Variants in ALMS1 observed in about 807,000 individuals in gnomAD.
ALMS1 encodes the protein centrosome-associated protein ALMS1.
Under a neutral mutation model 352.2 loss-of-function variants are expected in ALMS1, and 271 were observed. That is an observed-to-expected ratio of 0.77 (90% confidence interval 0.70 to 0.85). The LOEUF (loss-of-function observed/expected upper bound fraction) is 0.85. ALMS1 is among the 40% of genes least tolerant of loss of function. ALMS1 has a pLI of 0.00. For synonymous variants in ALMS1, 1,865 were observed against 1,761.2 expected (o/e 1.06, Z -1.48); for missense variants, 5,445 against 4,870.7 (o/e 1.12, Z -3.51).
intron 9 of ALMS1, among the ~76,000 whole-genome samples, chr2:73,487,553 C>T (rs1269407478): frequency 1.3e-5 from 2 of 152,192 alleles, no homozygotes; most frequent in South Asian, 2.1e-4. Flanking sequence ...TCCCGAAAGG[C>T]CACAGCTTGT....
intron 16 of ALMS1, among the ~76,000 whole-genome samples, chr2:73,583,118 A>G (rs1462273512): frequency 6.7e-6 from 1 of 150,220 alleles, no homozygotes; most frequent in Non-Finnish European, 1.5e-5. Context: ...ATGCTTAGTG[A>G]TACTGAGCAT....
chr2:73,407,794 G>A (rs1176565431), intron 1 of ALMS1, among the ~76,000 whole-genome samples: 2 of 152,160 alleles, frequency 1.3e-5, no homozygotes, highest in East Asian at 1.9e-4. Flanking sequence ...CTGACCTCAG[G>A]TAATCCTCCT....
At chr2:73,599,634 C>G in intron 17 of ALMS1, 113 bp downstream of exon 17, 1 of 1,291,358 alleles carries the variant, frequency 7.7e-7, no homozygotes, top group Non-Finnish European at 1.1e-6. Context: ...CTATATCCAA[C>G]TGCCAATTTT....
intron 9 of ALMS1, among the ~76,000 whole-genome samples, chr2:73,460,947 G>C (rs562763325): frequency 6.6e-6 from 1 of 152,194 alleles, no homozygotes; most frequent in Non-Finnish European, 1.5e-5. Context: ...CTGGAAGCTC[G>C]AACTGGGTGG....
rs1490899625 is a variant in ALMS1 at position 73,491,444 on chromosome 2, T to C, written c.9485T>C (p.Ile3162Thr). 3.1e-6 allele frequency: 5 copies of C among 1,614,034 alleles called. 1 individual carries two copies. The South Asian group carries it at 3.3e-5, about 11-fold the overall frequency. ...ACCTCCAGGCAAATACAAGTGAACA[T>C]TTCAGATTTCGAAGGACATTCCAAT... ...IVTSRQIQVN[I>T]SDFEGHSNPE... Residue 3162 changes from isoleucine to threonine, a missense_variant, in exon 10 of 23, where the codon ATT (isoleucine) becomes ACT (threonine). Physicochemically the swap from Ile to Thr is moderately conservative, Grantham distance 89. Coordinates refer to ENST00000613296, the MANE Select transcript of ALMS1 (RefSeq NM_001378454.1).
rs377130177 is a variant in ALMS1 at position 73,599,479 on chromosome 2, A to G, written c.11626A>G (p.Asn3876Asp). Residue 3876 changes from asparagine (N) to aspartate (D), a missense_variant, in exon 17 of 23, where the codon AAC becomes GAC. Asn to Asp is a conservative substitution (Grantham distance 23). Coordinates refer to ENST00000613296, the MANE Select transcript of ALMS1 (RefSeq NM_001378454.1). ...CCTGAGCTCAAACTCTACTTTTTGCAACAAGCAGAATGTACACATGTTAAA... is the reference window on the plus strand; with the variant it reads ...CCTGAGCTCAAACTCTACTTTTTGCGACAAGCAGAATGTACACATGTTAAA... ...SFLSSNSTFC[N>D]KQNVHMLNKG... The G allele has an allele frequency of 3.6e-5, 58 of 1,613,686 alleles. No homozygotes were observed. The African/African-American group carries it at 6.5e-4, about 18-fold the overall frequency.
At chr2:73,522,556 A>G (rs1207985148) in intron 11 of ALMS1, among the ~76,000 whole-genome samples, 2 of 143,440 alleles carry the variant, frequency 1.4e-5, no homozygotes, top group African/African-American at 5.3e-5. Context: ...TGCAACCTGC[A>G]TCTTCCGGGT....
intron 10 of ALMS1, among the ~76,000 whole-genome samples, chr2:73,493,628 A>C (rs1413613291): frequency 6.6e-6 from 1 of 152,000 alleles, no homozygotes; most frequent in Non-Finnish European, 1.5e-5. Flanking sequence ...AGGCTAAGGC[A>C]GGAGAATCGC....
chr2:73,478,503 A>T (rs943697328), intron 9 of ALMS1, among the ~76,000 whole-genome samples: 7 of 152,166 alleles, frequency 4.6e-5, no homozygotes, highest in Non-Finnish European at 7.3e-5. Context: ...TGTTTCTCAA[A>T]TTCGGATATT....
intron 7 of ALMS1, among the ~76,000 whole-genome samples, chr2:73,433,755 A>C (rs1365026279): frequency 2.0e-5 from 3 of 152,184 alleles, no homozygotes; most frequent in African/African-American, 4.8e-5. Flanking sequence ...TGTTCTTTGT[A>C]GGAAGTTTTT....
intron 20 of ALMS1, 88 bp from the exon 21 acceptor site, chr2:73,603,153 A>G: frequency 1.6e-6 from 2 of 1,278,176 alleles, no homozygotes; most frequent in Non-Finnish European, 2.3e-6. Flanking sequence ...AGGGGCACCA[A>G]GTCCTAGCAG....
chr2:73,485,307 G>A (rs573902825), intron 9 of ALMS1, among the ~76,000 whole-genome samples: 39 of 152,266 alleles, frequency 2.6e-4, no homozygotes, highest in Admixed American at 3.9e-4. Flanking sequence ...AGGACCCTCC[G>A]CTGCAGGTCT....
At chr2:73,441,135 A>G (rs1333609164) in intron 7 of ALMS1, among the ~76,000 whole-genome samples, 1 of 152,100 alleles carries the variant, frequency 6.6e-6, no homozygotes, top group Non-Finnish European at 1.5e-5. Flanking sequence ...CACCCACTTG[A>G]TTCTTGTTGA....
chr2:73,587,494 TG>T (rs1431150205), intron 16 of ALMS1, among the ~76,000 whole-genome samples: 1 of 152,348 alleles, frequency 6.6e-6, no homozygotes, highest in East Asian at 1.9e-4. Context: ...AAAGTGATGC[TG>T]AATTTTGCCA....
At chr2:73,480,831 G>A (rs1321527476) in intron 9 of ALMS1, among the ~76,000 whole-genome samples, 16 of 151,796 alleles carry the variant, frequency 1.1e-4, no homozygotes, top group African/African-American at 3.9e-4. Flanking sequence ...GTCCAGTGAT[G>A]ATGAGCATTT....
At chr2:73,454,099 A>G in intron 8 of ALMS1, 32 bp downstream of exon 8, 4 of 1,575,424 alleles carry the variant, frequency 2.5e-6, no homozygotes, top group Non-Finnish European at 3.4e-6. Flanking sequence ...TATAAACGTT[A>G]TAGTTTAATA....
At chr2:73,428,674 C>A (rs1572917180) in intron 6 of ALMS1, among the ~76,000 whole-genome samples, 1 of 152,174 alleles carries the variant, frequency 6.6e-6, no homozygotes, top group Non-Finnish European at 1.5e-5. Flanking sequence ...AAGTATTATT[C>A]TTTCAATCTA....
chr2:73,396,762 A>G (rs933251342), intron 1 of ALMS1, among the ~76,000 whole-genome samples: 3 of 150,958 alleles, frequency 2.0e-5, no homozygotes, highest in African/African-American at 7.3e-5. Context: ...CTTCTGCCTC[A>G]GCCTCCCAAG....
In ALMS1 at chr2:73,490,620, CTT is replaced by C; in HGVS notation, c.8663_8664del (p.Phe2888Ter). 6.2e-7 allele frequency: 1 copy of C among 1,614,184 alleles called. No homozygotes were observed. ...GCATTTTTCTTGAACAACGAGAGCT[CTT>C]TGAACAAAGCAAAGCCCCACGTGCA... ...SCIFLEQREL[F>X]EQSKAPRADD... On this transcript the variant is annotated frameshift_variant, in exon 10 of 23. Transcript: ENST00000613296. LOFTEE classifies it high-confidence loss of function.
Sources: gnomAD v4.1 joint callset for allele counts (sites outside exome capture counted in the v4.1 genomes callset) on GRCh38, gnomAD v4.1.1 for gene constraint, MANE v1.5 for transcripts, NCBI Gene and HGNC (gene_info 2026-07-23, HGNC 2026-07-21) for gene names.